ANO3: variants seen among roughly 807,000 people sequenced by gnomAD.
ANO3 encodes anoctamin 3.
ANO3 carries 99 observed loss-of-function variants against 144.8 expected under a neutral mutation model. That is an observed-to-expected ratio of 0.68 (90% CI 0.58 to 0.81). The LOEUF is 0.81. Among genes scored for constraint, ANO3 ranks in the 30% least tolerant of loss-of-function variants. The probability of loss-of-function intolerance (pLI) is 0.00; values close to 1 mark genes in which losing one functional copy is unlikely to be tolerated. For missense variants in ANO3, 905 were observed against 1,202.2 expected, an observed-to-expected ratio of 0.75 and a Z score of 3.66; for synonymous variants, 414 against 392.6, an observed-to-expected ratio of 1.05 and a Z score of -0.64.
intron 14 of ANO3, among the ~76,000 whole-genome samples, chr11:26,583,319 T>C (rs1851183812): frequency 6.6e-6 from 1 of 152,366 alleles, no homozygotes; most frequent in South Asian, 2.1e-4. Context: ...AGGCTTCAAA[T>C]GCTGGCTTTA....
chr11:26,541,802 A>T, intron 10 of ANO3, 145 bp from the exon 11 acceptor site: 2 of 611,424 alleles, frequency 3.3e-6, no homozygotes, highest in South Asian at 7.6e-5. Flanking sequence ...CATCCATCAC[A>T]TCATTCCAGC....
chr11:26,440,112 T>C (rs2134020991), intron 1 of ANO3, among the ~76,000 whole-genome samples: 1 of 152,292 alleles, frequency 6.6e-6, no homozygotes. Flanking sequence ...TTATTCACAT[T>C]ATACAGACAG....
chr11:26,332,374 T>C, intron 1 of ANO3, 53 bp downstream of exon 1: 1 of 1,578,368 alleles, frequency 6.3e-7, no homozygotes. Context: ...CCCCCCTGCA[T>C]GCCCTTGCAG....
intron 14 of ANO3, among the ~76,000 whole-genome samples, chr11:26,575,445 A>G (rs1404614758): frequency 3.3e-5 from 5 of 152,008 alleles, no homozygotes; most frequent in Non-Finnish European, 7.4e-5. Flanking sequence ...TTTGAAGTAG[A>G]AATTGGATGG....
At chr11:26,556,517 G>C (rs946014854) in intron 13 of ANO3, among the ~76,000 whole-genome samples, 11 of 151,786 alleles carry the variant, frequency 7.2e-5, no homozygotes, top group African/African-American at 2.7e-4. Context: ...TAGAACATTT[G>C]TTAAAAAAGC....
At chr11:26,317,078 G>A (rs908889724) in intron 1 of ANO3, among the ~76,000 whole-genome samples, 3 of 152,174 alleles carry the variant, frequency 2.0e-5, no homozygotes, top group Non-Finnish European at 4.4e-5. Context: ...TCAAAGGTAT[G>A]CCTGTTAGGA....
At chr11:26,398,460 C>T (rs1437172814) in intron 1 of ANO3, among the ~76,000 whole-genome samples, 1 of 151,920 alleles carries the variant, frequency 6.6e-6, no homozygotes, top group African/African-American at 2.4e-5. Flanking sequence ...AAAGCATGAA[C>T]CAAAGCAATT....
intron 1 of ANO3, among the ~76,000 whole-genome samples, chr11:26,233,157 C>T (rs1437065370): frequency 3.3e-5 from 5 of 150,046 alleles, no homozygotes; most frequent in African/African-American, 1.2e-4. Context: ...GCAGAGCTTG[C>T]AGTGAGCCGA....
At chr11:26,387,153 T>TTTC (rs71047848) in intron 1 of ANO3, among the ~76,000 whole-genome samples, 7 of 135,824 alleles carry the variant, frequency 5.2e-5, no homozygotes, top group African/African-American at 1.7e-4. Flanking sequence ...TTTTTTTTTT[T>TTTC]AGTAGAGACA....
At chr11:26,591,340 T>A (rs1482285361) in intron 14 of ANO3, among the ~76,000 whole-genome samples, 1 of 152,116 alleles carries the variant, frequency 6.6e-6, no homozygotes, top group Non-Finnish European at 1.5e-5. Flanking sequence ...GTGCCTTTGA[T>A]GTCATTAACA....
At chr11:26,553,513 C>T (rs936402939) in intron 13 of ANO3, among the ~76,000 whole-genome samples, 168 bp downstream of exon 13, 2 of 152,046 alleles carry the variant, frequency 1.3e-5, no homozygotes, top group Non-Finnish European at 2.9e-5. Flanking sequence ...AATTAGAAAG[C>T]GAGTATACTT....
intron 1 of ANO3, among the ~76,000 whole-genome samples, chr11:26,343,461 C>T (rs1389094182): frequency 6.6e-6 from 1 of 152,018 alleles, no homozygotes; most frequent in Non-Finnish European, 1.5e-5. Context: ...TTTGGGGGGT[C>T]CTCCATAATG....
chr11:26,328,081 C>T (rs1854935746), upstream of ANO3, among the ~76,000 whole-genome samples: 1 of 152,128 alleles, frequency 6.6e-6, no homozygotes, highest in Admixed American at 6.5e-5. Context: ...TTTTGTAAGA[C>T]TTCTTAAGGC....
rs573508881 is a variant in ANO3, at chr11:26,301,905, C to A, written c.155-7740C>A. On this transcript the variant is annotated intron_variant, in intron 1 of 27. Coordinates refer to the ANO3 transcript ENST00000672621. ...TTACATTATCAACTCATTTCTAAGC[C>A]CCATCACATAGATAGGCCTGCATGT... is the stretch of plus-strand genomic sequence containing the variant. 5.9e-5 allele frequency among the ~76,000 whole-genome samples: 9 copies of A among 152,218 alleles called. 1 individual carries two copies. The South Asian group carries it at 1.9e-3, about 32-fold the overall frequency.
chr11:26,581,808 A>G (rs1277669024), intron 14 of ANO3, among the ~76,000 whole-genome samples: 2 of 152,204 alleles, frequency 1.3e-5, no homozygotes, highest in African/African-American at 4.8e-5. Context: ...GAATTTTTAT[A>G]AAAGTGAAAC....
At chr11:26,230,796 CCAAAAAAAAAAAAAAAAAAAAAAA>C (rs1852376312) in intron 1 of ANO3, among the ~76,000 whole-genome samples, 2 of 79,460 alleles carry the variant, frequency 2.5e-5, no homozygotes, top group African/African-American at 6.9e-5. Context: ...GACTCCATCT[CCAAAAAAAAAAAAAAAAAAAAAAA>C]AAAAAAAAAA....
intron 17 of ANO3, among the ~76,000 whole-genome samples, chr11:26,620,448 T>TA (rs1280861397): frequency 1.3e-5 from 2 of 151,698 alleles, no homozygotes; most frequent in African/African-American, 2.4e-5. Flanking sequence ...AAAATGTTAT[T>TA]AAAATCAAAT....
intron 1 of ANO3, among the ~76,000 whole-genome samples, chr11:26,400,771 G>A (rs1857127688): frequency 1.3e-5 from 2 of 151,252 alleles, no homozygotes; most frequent in South Asian, 4.2e-4. Context: ...CCATTAGTAA[G>A]GAGGAAGTTG....
At chr11:26,621,216 T>A (rs938810502) in intron 17 of ANO3, among the ~76,000 whole-genome samples, 2 of 152,196 alleles carry the variant, frequency 1.3e-5, no homozygotes, top group African/African-American at 4.8e-5. Context: ...ACTGGGAAGA[T>A]GATGAAGTCT....
Sources: allele counts gnomAD v4.1 joint callset (sites outside exome capture counted in the v4.1 genomes callset), GRCh38; gene constraint gnomAD v4.1.1; transcripts MANE v1.5; gene names NCBI Gene and HGNC (gene_info 2026-07-23, HGNC 2026-07-21).